PRDM4: variants seen among roughly 807,000 people sequenced by gnomAD.
PRDM4 encodes PR/SET domain 4.
Under a neutral mutation model 62.3 loss-of-function variants are expected in PRDM4, and 38 were observed. The ratio of observed to expected loss-of-function variants is 0.61; its 90% confidence interval spans 0.47 to 0.80. The LOEUF (loss-of-function observed/expected upper bound fraction) is 0.80, where lower values mean the gene tolerates loss of function less well. Ranked by LOEUF, PRDM4 falls within the 30% of genes least tolerant of loss-of-function variation. The pLI is 0.00. For missense variants in PRDM4, 858 were observed against 997.1 expected (o/e 0.86, Z 1.88); for synonymous variants, 339 against 348.2 (o/e 0.97, Z 0.30).
In PRDM4 at chr12:107,734,085, C is replaced by T; in HGVS notation, c.*125G>A. The T allele has an allele frequency of 1.0e-6, 1 of 969,728 alleles. No homozygotes were observed. Among genetic ancestry groups the T allele is most frequent in the East Asian group, 2.6e-5 (1 of 39,194 alleles). The allele number at this position is 969,728 out of a possible 1,614,324, so 60.1% of individuals were successfully genotyped here. A position where few individuals can be genotyped will look rare whatever the true frequency, so the allele number is the denominator to read the frequency against. ...TGTAAGTGCTTTATTCATTCCCAGT[C>T]TGTTTTGATTACTGGCTGAAAATAA... On this transcript the variant is annotated 3_prime_UTR_variant, in exon 12 of 12. Coordinates refer to ENST00000228437, the MANE Select transcript of PRDM4 (RefSeq NM_012406.4).
chr12:107,736,810 A>G (rs1890346262), intron 11 of PRDM4: 1 of 152,294 alleles, frequency 6.6e-6, no homozygotes, highest in African/African-American at 2.4e-5. Flanking sequence ...TGGTCTGGAC[A>G]AGGTGTTAGT....
chr12:107,739,668 A>G, intron 10 of PRDM4, 117 bp from the exon 11 acceptor site: 1 of 1,061,930 alleles, frequency 9.4e-7, no homozygotes, highest in Non-Finnish European at 1.3e-6. Flanking sequence ...CTGACTGGTA[A>G]GCAGCATTTT....
At chr12:107,753,782 TA>T in intron 4 of PRDM4, 141 bp downstream of exon 4, 1 of 762,706 alleles carries the variant, frequency 1.3e-6, no homozygotes, top group Non-Finnish European at 2.0e-6. Flanking sequence ...TACATAAATA[TA>T]AACAAAGATA....
At chr12:107,736,209 G>A (rs139683669) in intron 11 of PRDM4, among the ~76,000 whole-genome samples, 65 of 152,346 alleles carry the variant, frequency 4.3e-4, no homozygotes, top group African/African-American at 1.4e-3. Flanking sequence ...CTTTCATGAA[G>A]CTTACATTCT....
chr12:107,745,809 T>C (rs1050249160), intron 6 of PRDM4, among the ~76,000 whole-genome samples: 2 of 152,206 alleles, frequency 1.3e-5, no homozygotes, highest in Non-Finnish European at 2.9e-5. Context: ...TCAGAAGCCA[T>C]GCTAAATTCA....
rs193224643 is a variant in PRDM4 at position 107,732,899 on chromosome 12, T to A, written c.*1311A>T. Reference sequence around the variant, plus strand: ...TTTAAAAAAGTTTAATTTTAATCCTTCCTAGAGGAATACAGATTTGAATGA... The same window carrying A: ...TTTAAAAAAGTTTAATTTTAATCCTACCTAGAGGAATACAGATTTGAATGA... On this transcript the variant is annotated 3_prime_UTR_variant, in exon 12 of 12. Transcript: ENST00000228437. The A allele has an allele frequency of 6.5e-6, 1 of 152,752 alleles. No homozygotes were observed. The highest frequency in any genetic ancestry group is 2.4e-5 in the African/African-American group (1 of 41,588). 9.5% of individuals were successfully genotyped at this position (152,752 alleles called of 1,614,324 possible).
chr12:107,735,760 C>CTTTTTTTTTTT (rs200366774), intron 11 of PRDM4, among the ~76,000 whole-genome samples: 1 of 143,440 alleles, frequency 7.0e-6, no homozygotes. Flanking sequence ...AATTTTTTAG[C>CTTTTTTTTTTT]TTTTTTTTTT....
At chr12:107,757,079 T>G in intron 2 of PRDM4, 114 bp from the exon 3 acceptor site, 2 of 1,038,698 alleles carry the variant, frequency 1.9e-6, no homozygotes, top group Non-Finnish European at 2.8e-6. Context: ...GGCCAACTAT[T>G]AGTTCACTTT....
intron 2 of PRDM4, among the ~76,000 whole-genome samples, 182 bp from the exon 3 acceptor site, chr12:107,757,147 C>T (rs963364123): frequency 2.6e-5 from 4 of 152,184 alleles, no homozygotes; most frequent in African/African-American, 9.7e-5. Flanking sequence ...GATAAGAAAA[C>T]TGAGATTGAG....
intron 2 of PRDM4, among the ~76,000 whole-genome samples, chr12:107,759,449 GTACAAC>G (rs1211768979): frequency 2.0e-5 from 3 of 152,052 alleles, no homozygotes; most frequent in African/African-American, 4.8e-5. Context: ...TTTTTTAAAA[GTACAAC>G]TACAAGTCTG....
intron 4 of PRDM4, 68 bp from the exon 5 acceptor site, chr12:107,752,277 C>T (rs1431150565): frequency 1.5e-5 from 18 of 1,168,326 alleles, no homozygotes; most frequent in East Asian, 4.7e-5. Flanking sequence ...AAGCACTAGA[C>T]GCTATTTCCT....
At chr12:107,752,572 T>A (rs1890928809) in intron 4 of PRDM4, among the ~76,000 whole-genome samples, 1 of 151,896 alleles carries the variant, frequency 6.6e-6, no homozygotes, top group Non-Finnish European at 1.5e-5. Flanking sequence ...ATGTGAAAAA[T>A]AAAACTTAAT....
At chr12:107,755,137 C>T (rs957477960) in intron 3 of PRDM4, among the ~76,000 whole-genome samples, 2 of 151,876 alleles carry the variant, frequency 1.3e-5, no homozygotes, top group East Asian at 1.9e-4. Flanking sequence ...CAGGTTGGAG[C>T]GTAGTAGCAT....
At chr12:107,735,732 G>C (rs1489204272) in intron 11 of PRDM4, among the ~76,000 whole-genome samples, 1 of 150,850 alleles carries the variant, frequency 6.6e-6, no homozygotes, top group Non-Finnish European at 1.5e-5. Flanking sequence ...AAGAACCTTA[G>C]AGATCACACA....
At chr12:107,743,311 A>AGTGCATTTG in intron 7 of PRDM4, 29 bp from the exon 8 acceptor site, 1 of 1,491,570 alleles carries the variant, frequency 6.7e-7, no homozygotes, top group Non-Finnish European at 9.4e-7. Context: ...CACACATGTC[A>AGTGCATTTG]AATGCACTGA....
intron 3 of PRDM4, among the ~76,000 whole-genome samples, chr12:107,755,646 T>A (rs1037138540): frequency 6.6e-6 from 1 of 152,194 alleles, no homozygotes; most frequent in African/African-American, 2.4e-5. Context: ...ACTCCTACTG[T>A]GACAAAGAAA....
intron 9 of PRDM4, among the ~76,000 whole-genome samples, chr12:107,741,562 A>T (rs1890519655): frequency 1.3e-5 from 2 of 152,048 alleles, no homozygotes; most frequent in Admixed American, 1.3e-4. Context: ...AAAAAAACTT[A>T]AAAATCATTG....
Position 107,746,274 on chromosome 12 carries a change from C to T in PRDM4, c.1276+1G>A, listed in dbSNP as rs752524838. 6.2e-7 allele frequency: 1 copy of T among 1,613,806 alleles called. No homozygotes were observed. On this transcript the variant is annotated splice_donor_variant, in intron 6 of 11. Transcript: ENST00000228437. LOFTEE classifies it high-confidence loss of function. ...GTGTTTTACAGTTCCAAGGTTCTTACCAACTTCTGCTCCCACAATTGACTG... is the reference window on the plus strand; with the variant it reads ...GTGTTTTACAGTTCCAAGGTTCTTATCAACTTCTGCTCCCACAATTGACTG...
At position 107,742,217 on chromosome 12, in the gene PRDM4, T is replaced by G. The variant is rs1307350337; in HGVS notation, c.1609+4A>C. The G allele has an allele frequency of 6.2e-7, 1 of 1,612,012 alleles. No individual in the cohort carries two copies. The highest frequency in any genetic ancestry group is 1.7e-5 in the Admixed American group (1 of 59,706). Reference sequence around the variant, plus strand: ...AGATTCATTATAAACACATATTAACTTACCAATCTGTTGAGCATAATCTCG... The same window carrying G: ...AGATTCATTATAAACACATATTAACGTACCAATCTGTTGAGCATAATCTCG... On this transcript the variant is annotated splice_donor_region_variant and intron_variant, in intron 9 of 11. Coordinates refer to ENST00000228437, the MANE Select transcript of PRDM4 (RefSeq NM_012406.4).
Sources: gnomAD v4.1 joint callset for allele counts (sites outside exome capture counted in the v4.1 genomes callset) on GRCh38, gnomAD v4.1.1 for gene constraint, MANE v1.5 for transcripts, NCBI Gene and HGNC (gene_info 2026-07-23, HGNC 2026-07-21) for gene names.